Variants in RSPH1 observed in about 807,000 individuals in gnomAD.
The protein encoded by RSPH1 is radial spoke head 1 homolog.
Under a neutral mutation model 44.2 loss-of-function variants are expected in RSPH1, and 32 were observed. That is an observed-to-expected ratio of 0.72 (90% confidence interval 0.55 to 0.97). The LOEUF (loss-of-function observed/expected upper bound fraction) is 0.97, where lower values mean the gene tolerates loss of function less well. Among genes scored for constraint, RSPH1 ranks in the 50% least tolerant of loss-of-function variants. The pLI is 0.00. For missense variants in RSPH1, 391 were observed against 398.7 expected, an observed-to-expected ratio of 0.98 and a Z score of 0.16; for synonymous variants, 134 against 147.3, an observed-to-expected ratio of 0.91 and a Z score of 0.65.
Position 42,474,343 on chromosome 21 carries a change from C to T in RSPH1, c.878-1473G>A, listed in dbSNP as rs1460282950. On this transcript the variant is annotated intron_variant, in intron 8 of 8. Transcript: ENST00000291536. The surrounding 1 kb of genome is among the most constrained non-coding windows in gnomAD (Gnocchi z 5.2). The stretch of plus-strand genomic sequence containing the variant: ...CTTGCCACCTCCCTCCCAGCTAACC[C>T]GGAGTTTCCTGGTCCTGCCCCAGGT... 6.6e-6 allele frequency among the ~76,000 whole-genome samples: 1 copy of T among 152,230 alleles called. No individual in the cohort carries two copies. Among genetic ancestry groups the T allele is most frequent in the African/African-American group, 2.4e-5 (1 of 41,464 alleles).
intron 6 of RSPH1, among the ~76,000 whole-genome samples, chr21:42,480,617 G>A (rs1378321768): frequency 4.3e-5 from 5 of 115,544 alleles, no homozygotes; most frequent in Non-Finnish European, 8.3e-5. Flanking sequence ...TCCAGCCTGG[G>A]CAACAAGAGC....
intron 1 of RSPH1, among the ~76,000 whole-genome samples, chr21:42,493,346 G>A (rs1030777926): frequency 2.6e-5 from 4 of 152,202 alleles, no homozygotes; most frequent in Non-Finnish European, 4.4e-5. Context: ...GCAATTCATT[G>A]TGATAATCCT....
intron 6 of RSPH1, 137 bp downstream of exon 6, chr21:42,482,500 A>G: frequency 3.2e-6 from 2 of 619,428 alleles, no homozygotes; most frequent in South Asian, 4.1e-5. Context: ...ACATGCAGAT[A>G]AGGAAAATGA....
At chr21:42,483,636 T>C (rs953577802) in intron 5 of RSPH1, among the ~76,000 whole-genome samples, 6 of 152,180 alleles carry the variant, frequency 3.9e-5, no homozygotes, top group Non-Finnish European at 8.8e-5. Flanking sequence ...ATCTCTTAGA[T>C]TTTCTTTACA....
At chr21:42,475,365 G>A (rs531427908) in intron 8 of RSPH1, among the ~76,000 whole-genome samples, 2 of 152,132 alleles carry the variant, frequency 1.3e-5, no homozygotes, top group South Asian at 2.1e-4. Flanking sequence ...TCAGGAGTTT[G>A]AGACCAGTCT....
chr21:42,476,151 C>G (rs907107484), intron 7 of RSPH1, 104 bp from the exon 8 acceptor site: 1 of 1,142,118 alleles, frequency 8.8e-7, no homozygotes, highest in African/African-American at 1.5e-5. Flanking sequence ...CCACCCTCCC[C>G]CTCCCACTGG....
intron 6 of RSPH1, among the ~76,000 whole-genome samples, chr21:42,479,053 G>C (rs2054099602): frequency 6.6e-6 from 1 of 152,202 alleles, no homozygotes. Context: ...CATTCTCACA[G>C]CTGCACAACA....
At chr21:42,484,644 T>C (rs1344290992) in intron 5 of RSPH1, 1 of 152,194 alleles carries the variant, frequency 6.6e-6, no homozygotes, top group Non-Finnish European at 1.5e-5. Context: ...TAAAGTTTTT[T>C]ACTAACTAGC....
chr21:42,484,769 A>C (rs1397449823), intron 5 of RSPH1: 1 of 152,146 alleles, frequency 6.6e-6, no homozygotes, highest in East Asian at 1.9e-4. Flanking sequence ...CCACCTTCCC[A>C]TCTCCTCCAA....
intron 5 of RSPH1, among the ~76,000 whole-genome samples, chr21:42,484,498 T>C (rs893858230): frequency 6.6e-6 from 1 of 152,222 alleles, no homozygotes; most frequent in Non-Finnish European, 1.5e-5. Flanking sequence ...TAATTCTGTG[T>C]CAGATGACTG....
chr21:42,483,286 T>C (rs1241957079), intron 5 of RSPH1, among the ~76,000 whole-genome samples: 1 of 152,162 alleles, frequency 6.6e-6, no homozygotes, highest in Admixed American at 6.5e-5. Flanking sequence ...TACTCTGAGT[T>C]AAAACTTTAT....
At chr21:42,478,727 C>T (rs186514649) in intron 6 of RSPH1, among the ~76,000 whole-genome samples, 7 of 152,346 alleles carry the variant, frequency 4.6e-5, no homozygotes, top group Admixed American at 6.5e-5. Flanking sequence ...AACAGAGATT[C>T]GACCAGATGC....
At chr21:42,482,335 G>A (rs554830474) in intron 6 of RSPH1, among the ~76,000 whole-genome samples, 13 of 152,216 alleles carry the variant, frequency 8.5e-5, no homozygotes, top group Non-Finnish European at 1.0e-4. Context: ...CCACCGCTTC[G>A]GCCTCCCAAA....
intron 3 of RSPH1, among the ~76,000 whole-genome samples, chr21:42,486,720 G>C (rs1003722855): frequency 6.6e-6 from 1 of 152,162 alleles, no homozygotes; most frequent in African/African-American, 2.4e-5. Flanking sequence ...GCTGAGCCAC[G>C]GTGGACAGTG....
At chr21:42,488,074 G>C (rs1159415181) in intron 3 of RSPH1, among the ~76,000 whole-genome samples, 1 of 152,160 alleles carries the variant, frequency 6.6e-6, no homozygotes, top group East Asian at 1.9e-4. Context: ...AAAAGAGCAG[G>C]CTTACCAAAA....
chr21:42,493,761 T>C (rs1337413710), intron 1 of RSPH1, among the ~76,000 whole-genome samples: 1 of 152,206 alleles, frequency 6.6e-6, no homozygotes, highest in African/African-American at 2.4e-5. Context: ...TGGTTTGTTT[T>C]TGTTTTTGAG....
At chr21:42,477,572 G>C in intron 6 of RSPH1, 128 bp from the exon 7 acceptor site, 1 of 896,186 alleles carries the variant, frequency 1.1e-6, no homozygotes, top group Non-Finnish European at 1.7e-6. Flanking sequence ...TTTTTAGGAC[G>C]TCACTCAGGA....
At chr21:42,488,014 A>C (rs2054197191) in intron 3 of RSPH1, among the ~76,000 whole-genome samples, 1 of 152,214 alleles carries the variant, frequency 6.6e-6, no homozygotes, top group South Asian at 2.1e-4. Context: ...CAGGGAAGGC[A>C]GCACGAAAAG....
At chr21:42,487,764 A>G (rs1384099534) in intron 3 of RSPH1, among the ~76,000 whole-genome samples, 2 of 152,238 alleles carry the variant, frequency 1.3e-5, no homozygotes, top group Non-Finnish European at 2.9e-5. Flanking sequence ...AATACCCAAT[A>G]GGCTAAGAAA....
Sources: gnomAD v4.1 joint callset for allele counts (sites outside exome capture counted in the v4.1 genomes callset) on GRCh38, gnomAD v4.1.1 for gene constraint, Gnocchi (gnomAD v3.1) non-coding constraint, MANE v1.5 for transcripts, NCBI Gene and HGNC (gene_info 2026-07-23, HGNC 2026-07-21) for gene names.